Variants in EVI5 observed in about 807,000 individuals in gnomAD.
EVI5 encodes the protein ecotropic viral integration site 5 protein homolog.
In EVI5, 73 loss-of-function variants were observed where a neutral mutation model predicts 112.0. That is an observed-to-expected ratio of 0.65 (90% CI 0.54 to 0.79). The LOEUF (loss-of-function observed/expected upper bound fraction) is 0.79, where lower values mean the gene tolerates loss of function less well. Among genes scored for constraint, EVI5 ranks in the 30% least tolerant of loss-of-function variants. EVI5 has a pLI of 0.00. For synonymous variants in EVI5, 305 were observed against 319.9 expected, an observed-to-expected ratio of 0.95 and a Z score of 0.50; for missense variants, 900 against 968.8, an observed-to-expected ratio of 0.93 and a Z score of 0.94.
chr1:92,767,126 T>C (rs543430332), intron 1 of EVI5, among the ~76,000 whole-genome samples: 2 of 151,380 alleles, frequency 1.3e-5, no homozygotes, highest in Admixed American at 6.6e-5. Flanking sequence ...TTCTAAATTA[T>C]ATGCCATCTG....
chr1:92,601,007 A>C (rs931616952), intron 18 of EVI5, among the ~76,000 whole-genome samples: 4 of 152,224 alleles, frequency 2.6e-5, no homozygotes, highest in Non-Finnish European at 5.9e-5. Context: ...AGTCAAAAGT[A>C]AGTGGTGGTA....
At chr1:92,573,893 A>G (rs1004855269) in intron 18 of EVI5, among the ~76,000 whole-genome samples, 1 of 152,162 alleles carries the variant, frequency 6.6e-6, no homozygotes, top group African/African-American at 2.4e-5. Flanking sequence ...AATCATTCTA[A>G]GGAACAAAGA....
chr1:92,741,928 T>G lies in EVI5; in HGVS notation c.-81-5301A>C, dbSNP rs137964311. Among the ~76,000 whole-genome samples, 403 of 151,994 alleles carry G rather than the reference T, an allele frequency of 2.7e-3. 3 individuals carry two copies. Among genetic ancestry groups the G allele is most frequent in the African/African-American group, 9.2e-3 (382 of 41,488 alleles). ...ATGATTTGGCAATGATTCCTTAGACTAACACAAAAAGCACAGGCAACAAAA... is the reference window on the plus strand; with the variant it reads ...ATGATTTGGCAATGATTCCTTAGACGAACACAAAAAGCACAGGCAACAAAA... On this transcript the variant is annotated intron_variant, in intron 1 of 19. Transcript: ENST00000684568.
chr1:92,744,208 G>C (rs186899478), intron 1 of EVI5, among the ~76,000 whole-genome samples: 2 of 152,178 alleles, frequency 1.3e-5, no homozygotes, highest in Non-Finnish European at 2.9e-5. Context: ...TACAAGTTAA[G>C]ATGTGTTTTA....
intron 19 of EVI5, among the ~76,000 whole-genome samples, chr1:92,519,383 T>C (rs1295172581): frequency 1.3e-5 from 2 of 152,082 alleles, no homozygotes; most frequent in African/African-American, 4.8e-5. Flanking sequence ...AACACCTAAA[T>C]TGTTTGGATA....
intron 9 of EVI5, among the ~76,000 whole-genome samples, chr1:92,693,449 C>T (rs1215365022): frequency 6.6e-6 from 1 of 152,078 alleles, no homozygotes; most frequent in African/African-American, 2.4e-5. Flanking sequence ...GCTGGTTATG[C>T]TAATTTTGAA....
At chr1:92,727,570 C>T (rs1296338135) in intron 2 of EVI5, among the ~76,000 whole-genome samples, 1 of 152,052 alleles carries the variant, frequency 6.6e-6, no homozygotes, top group African/African-American at 2.4e-5. Context: ...TGTATCCAAC[C>T]TACTAATTGA....
chr1:92,640,507 TCAA>T (rs1197379532), intron 13 of EVI5, among the ~76,000 whole-genome samples: 1 of 151,844 alleles, frequency 6.6e-6, no homozygotes, highest in Non-Finnish European at 1.5e-5. Context: ...AAAAAAAAGC[TCAA>T]CATCACTGAT....
At position 92,660,399 on chromosome 1, in the gene EVI5, A is replaced by G. The variant is rs75614380; in HGVS notation, c.1392+2320T>C. Among the ~76,000 whole-genome samples, 2,718 of 152,148 alleles carry G rather than the reference A, an allele frequency of 0.018. 212 individuals carry two copies. In the East Asian group the frequency reaches 0.25, roughly 14 times the overall value. On this transcript the variant is annotated intron_variant, in intron 13 of 19. Transcript: ENST00000684568. ...TGATCTCATAGAAACTGAGAATACA[A>G]TAGTGGTTACTAGAGACTAGGGAGG...
intron 14 of EVI5, among the ~76,000 whole-genome samples, chr1:92,626,569 T>C (rs1347224186): frequency 6.6e-6 from 1 of 152,204 alleles, no homozygotes; most frequent in African/African-American, 2.4e-5. Flanking sequence ...CAGATGGTAA[T>C]TGTTCTATGT....
At chr1:92,557,525 C>T (rs1296423093) in intron 19 of EVI5, among the ~76,000 whole-genome samples, 1 of 151,948 alleles carries the variant, frequency 6.6e-6, no homozygotes, top group Non-Finnish European at 1.5e-5. Flanking sequence ...TCTCAAACTC[C>T]TGACCTTAGA....
chr1:92,651,998 T>C (rs1662213308), intron 13 of EVI5, among the ~76,000 whole-genome samples: 1 of 152,184 alleles, frequency 6.6e-6, no homozygotes, highest in Non-Finnish European at 1.5e-5. Flanking sequence ...CTTCTAGGTA[T>C]ATGCTTAAAA....
At chr1:92,589,309 G>C (rs540304853) in intron 18 of EVI5, among the ~76,000 whole-genome samples, 2 of 152,268 alleles carry the variant, frequency 1.3e-5, no homozygotes, top group Admixed American at 1.3e-4. Flanking sequence ...AGCCGAAGTA[G>C]GACGAGGCAT....
intron 13 of EVI5, among the ~76,000 whole-genome samples, chr1:92,640,176 G>A (rs2101946969): frequency 6.6e-6 from 1 of 152,234 alleles, no homozygotes; most frequent in Non-Finnish European, 1.5e-5. Flanking sequence ...GAAAACCTAG[G>A]CAATACCATT....
chr1:92,662,635 G>A, intron 13 of EVI5, 84 bp downstream of exon 13: 1 of 887,478 alleles, frequency 1.1e-6, no homozygotes, highest in Non-Finnish European at 1.4e-6. Flanking sequence ...TAAAACAACA[G>A]CACAAAATCT....
intron 18 of EVI5, among the ~76,000 whole-genome samples, chr1:92,591,890 A>G (rs889545350): frequency 6.6e-6 from 1 of 152,266 alleles, no homozygotes; most frequent in Admixed American, 6.5e-5. Context: ...GTAAAACAAC[A>G]GAAAGTATAA....
chr1:92,750,848 T>C (rs1680070130), intron 1 of EVI5, among the ~76,000 whole-genome samples: 1 of 152,082 alleles, frequency 6.6e-6, no homozygotes, highest in Non-Finnish European at 1.5e-5. Context: ...ATTATCCCTA[T>C]GTAATTAAAA....
chr1:92,655,205 A>G (rs1197720241), intron 13 of EVI5, among the ~76,000 whole-genome samples: 1 of 152,170 alleles, frequency 6.6e-6, no homozygotes, highest in Non-Finnish European at 1.5e-5. Context: ...AAGGAAAAAA[A>G]AAAATCCTAA....
intron 10 of EVI5, among the ~76,000 whole-genome samples, chr1:92,668,656 T>G (rs1665328795): frequency 6.6e-6 from 1 of 152,196 alleles, no homozygotes; most frequent in South Asian, 2.1e-4. Flanking sequence ...CACAAACAAC[T>G]AACCAAATGC....
Sources: allele counts gnomAD v4.1 joint callset (sites outside exome capture counted in the v4.1 genomes callset), GRCh38; gene constraint gnomAD v4.1.1; transcripts MANE v1.5; gene names NCBI Gene and HGNC (gene_info 2026-07-23, HGNC 2026-07-21).